The following EIF3I variants were observed in gnomAD, a reference collection of about 807,000 sequenced individuals.
EIF3I encodes the protein eukaryotic translation initiation factor 3 subunit I, also known as TGF-beta receptor-interacting protein 1.
EIF3I carries 20 observed loss-of-function variants against 43.3 expected under a neutral mutation model. The ratio of observed to expected loss-of-function variants is 0.46; its 90% confidence interval spans 0.32 to 0.67. EIF3I has a LOEUF of 0.67. Among genes scored for constraint, EIF3I ranks in the 30% least tolerant of loss-of-function variants. EIF3I has a pLI of 0.03. For missense variants in EIF3I, 279 were observed against 421.4 expected, an observed-to-expected ratio of 0.66 and a Z score of 2.96; for synonymous variants, 167 against 151.7, an observed-to-expected ratio of 1.10 and a Z score of -0.74.
At position 32,231,329 on chromosome 1, in the gene EIF3I, A is replaced by C. The variant is rs1210963539; in HGVS notation, c.*133A>C. 5.3e-6 allele frequency: 4 copies of C among 754,840 alleles called. No individual in the cohort carries two copies. The African/African-American group carries it at 7.0e-5, about 13-fold the overall frequency. 46.8% of individuals were successfully genotyped at this position (754,840 alleles called of 1,614,324 possible). ...AACATGGAGAAACCTCGTCTCTACTAAAAATACAAAAATTAGCCAGGCATG... is the reference window on the plus strand; with the variant it reads ...AACATGGAGAAACCTCGTCTCTACTCAAAATACAAAAATTAGCCAGGCATG... On this transcript the variant is annotated 3_prime_UTR_variant, in exon 12 of 12. Transcript: ENST00000676679.
At chr1:32,228,201 G>C (rs949102149) in intron 6 of EIF3I, among the ~76,000 whole-genome samples, 3 of 152,196 alleles carry the variant, frequency 2.0e-5, no homozygotes, top group African/African-American at 7.2e-5. Flanking sequence ...AGGAGGTAAA[G>C]AGTTTTGACT....
downstream of EIF3I, chr1:32,235,268 C>G (rs552847467): frequency 6.6e-6 from 1 of 152,128 alleles, no homozygotes; most frequent in African/African-American, 2.4e-5. Flanking sequence ...TCCAGTCTCA[C>G]GGCACACACG....
intron 10 of EIF3I, among the ~76,000 whole-genome samples, chr1:32,230,407 G>A (rs1569863892): frequency 6.6e-6 from 1 of 151,490 alleles, no homozygotes; most frequent in Non-Finnish European, 1.5e-5. Context: ...GCTGCTTTTT[G>A]TATTTTTAGT....
At chr1:32,230,453 C>T (rs1267893268) in intron 10 of EIF3I, among the ~76,000 whole-genome samples, 1 of 151,984 alleles carries the variant, frequency 6.6e-6, no homozygotes, top group African/African-American at 2.4e-5. Flanking sequence ...AACTCCTGGC[C>T]TCAAGTGATC....
downstream of EIF3I, among the ~76,000 whole-genome samples, chr1:32,233,564 A>G (rs1639265763): frequency 6.6e-6 from 1 of 152,196 alleles, no homozygotes. Flanking sequence ...TGCTGGGATT[A>G]CAGGCGTGAG....
intron 6 of EIF3I, among the ~76,000 whole-genome samples, chr1:32,228,136 G>GT (rs1639175907): frequency 1.3e-5 from 2 of 152,240 alleles, no homozygotes; most frequent in African/African-American, 4.8e-5. Flanking sequence ...AAACCCTTGG[G>GT]GTGTGGTCTT....
intron 4 of EIF3I, among the ~76,000 whole-genome samples, chr1:32,225,062 G>C (rs894264150): frequency 6.6e-6 from 1 of 151,948 alleles, no homozygotes; most frequent in Non-Finnish European, 1.5e-5. Context: ...TCAAACTCCA[G>C]ACCTCAGGTA....
chr1:32,222,679 G>A, intron 2 of EIF3I, 49 bp downstream of exon 2: 2 of 1,576,048 alleles, frequency 1.3e-6, no homozygotes, highest in Non-Finnish European at 1.7e-6. Flanking sequence ...CCTTCTGCCA[G>A]GACGATGGGT....
chr1:32,225,498 T>C (rs1639128928), intron 4 of EIF3I, among the ~76,000 whole-genome samples: 1 of 151,854 alleles, frequency 6.6e-6, no homozygotes, highest in Admixed American at 6.6e-5. Flanking sequence ...ATCCCAGCAC[T>C]TTGGGAGGTT....
intron 7 of EIF3I, 40 bp from the exon 8 acceptor site, chr1:32,228,687 A>G (rs1639187274): frequency 1.9e-6 from 3 of 1,597,128 alleles, no homozygotes; most frequent in Non-Finnish European, 1.7e-6. Flanking sequence ...TTCCCCCAGG[A>G]AAGCTCTTTA....
chr1:32,228,178 G>A (rs1298929260), intron 6 of EIF3I, among the ~76,000 whole-genome samples: 1 of 152,200 alleles, frequency 6.6e-6, no homozygotes, highest in Non-Finnish European at 1.5e-5. Flanking sequence ...GATTTTAAAC[G>A]TCCTTCAGTG....
chr1:32,223,152 A>G (rs1213890306), intron 2 of EIF3I, among the ~76,000 whole-genome samples: 5 of 152,240 alleles, frequency 3.3e-5, no homozygotes, highest in Non-Finnish European at 7.3e-5. Flanking sequence ...CTACCAGGAT[A>G]GGTGCAGGCT....
chr1:32,228,760 A>G, exon 8 of EIF3I: 1 of 1,614,094 alleles, frequency 6.2e-7, no homozygotes, highest in African/African-American at 1.3e-5. Flanking sequence ...ACATCAGAAG[A>G]CTTTCCGGAC....
intron 9 of EIF3I, 35 bp downstream of exon 9, chr1:32,229,243 T>C: frequency 6.2e-7 from 1 of 1,601,014 alleles, no homozygotes; most frequent in Non-Finnish European, 8.5e-7. Context: ...AATTAAAATC[T>C]CATGTGGTGT....
At chr1:32,228,877 T>C in intron 8 of EIF3I, 61 bp downstream of exon 8, 1 of 1,410,260 alleles carries the variant, frequency 7.1e-7, no homozygotes. Flanking sequence ...TTCTAGATGC[T>C]TGTCCAGAAG....
intron 4 of EIF3I, among the ~76,000 whole-genome samples, chr1:32,225,414 T>C (rs1639127845): frequency 1.3e-5 from 2 of 152,142 alleles, no homozygotes; most frequent in Non-Finnish European, 2.9e-5. Flanking sequence ...AGTGCCACAT[T>C]AGCAGGATGT....
chr1:32,234,817 T>C (rs1235873559), downstream of EIF3I: 2 of 152,296 alleles, frequency 1.3e-5, no homozygotes, highest in Non-Finnish European at 2.9e-5. Context: ...GTCTGTGCCT[T>C]CAGCCCCATG....
At chr1:32,236,120 T>C (rs1452708873), downstream of EIF3I, among the ~76,000 whole-genome samples, 1 of 152,248 alleles carries the variant, frequency 6.6e-6, no homozygotes, top group Non-Finnish European at 1.5e-5. Context: ...AACTGTGGCC[T>C]GAAAATATTA....
At chr1:32,228,513 G>C in exon 7 of EIF3I, 1 of 1,614,032 alleles carries the variant, frequency 6.2e-7, no homozygotes, top group Non-Finnish European at 8.5e-7. Flanking sequence ...GAGAGGTGTT[G>C]GTGAATGTTA....
Sources: allele counts gnomAD v4.1 joint callset (sites outside exome capture counted in the v4.1 genomes callset), GRCh38; gene constraint gnomAD v4.1.1; transcripts MANE v1.5; gene names NCBI Gene and HGNC (gene_info 2026-07-23, HGNC 2026-07-21).